TRIM2: variants seen among roughly 807,000 people sequenced by gnomAD.
TRIM2 encodes tripartite motif containing 2.
TRIM2 carries 20 observed loss-of-function variants against 75.2 expected under a neutral mutation model. The ratio of observed to expected loss-of-function variants is 0.27; its 90% CI spans 0.19 to 0.39. TRIM2 has a LOEUF of 0.39. Ranked by LOEUF, TRIM2 falls within the 10% of genes least tolerant of loss-of-function variation. The pLI is 1.00. For synonymous variants in TRIM2, 373 were observed against 388.3 expected (o/e 0.96, Z 0.46); for missense variants, 660 against 990.8 (o/e 0.67, Z 4.48).
intron 1 of TRIM2, among the ~76,000 whole-genome samples, chr4:153,247,850 T>G (rs1303422169): frequency 1.3e-5 from 2 of 152,040 alleles, no homozygotes; most frequent in Admixed American, 6.6e-5. Context: ...GCTTACTGAA[T>G]CCTTAAATGA....
intron 1 of TRIM2, among the ~76,000 whole-genome samples, chr4:153,193,395 T>A: frequency 6.6e-6 from 1 of 152,138 alleles, no homozygotes; most frequent in East Asian, 1.9e-4. Context: ...CCTCCCAAAG[T>A]GCTGGGATTA....
intron 1 of TRIM2, among the ~76,000 whole-genome samples, chr4:153,230,480 GC>G (rs1237462662): frequency 2.6e-5 from 4 of 152,186 alleles, no homozygotes; most frequent in Non-Finnish European, 5.9e-5. Flanking sequence ...ACTGCACCCA[GC>G]CCATGTTCAG....
rs147042335 is a variant in TRIM2 at position 153,295,937 on chromosome 4, G to A, written c.1411G>A (p.Gly471Ser). The A allele has an allele frequency of 2.7e-5, 43 of 1,594,320 alleles. No homozygotes were observed. The highest frequency in any genetic ancestry group is 3.3e-4 in the Middle Eastern group (2 of 5,984). Reference sequence around the variant, plus strand: ...GAGGCGCGTTAAGTCCCCGGGGAGCGGCCACGTCAAGCAGAAAGCTGTGAA... The same window carrying A: ...GAGGCGCGTTAAGTCCCCGGGGAGCAGCCACGTCAAGCAGAAAGCTGTGAA... ...VKRRVKSPGS[G>S]HVKQKAVKRP... The change falls in exon 6 of 12, where the codon GGC becomes AGC. Residue 471 changes from glycine to serine, a missense_variant. This residue lies in a region of TRIM2 where 620 missense variants were observed against 891.0 expected (regional missense o/e 0.70). Coordinates refer to ENST00000338700, the MANE Select transcript of TRIM2 (RefSeq NM_015271.5). This position sits in a 1 kb window ranked among gnomAD's most constrained non-coding sequence, Gnocchi z 7.2.
At chr4:153,201,593 A>C (rs1322119987), upstream of TRIM2, among the ~76,000 whole-genome samples, 1 of 152,122 alleles carries the variant, frequency 6.6e-6, no homozygotes, top group Non-Finnish European at 1.5e-5. Context: ...AGGCCCAAGC[A>C]GGAAGATAGC....
At chr4:153,278,518 G>A (rs780397728) in intron 3 of TRIM2, among the ~76,000 whole-genome samples, 3 of 152,158 alleles carry the variant, frequency 2.0e-5, no homozygotes, top group Admixed American at 1.3e-4. Flanking sequence ...GTTTCTAAGG[G>A]CCAGACATGG....
At chr4:153,291,048 A>G (rs904695965) in intron 3 of TRIM2, among the ~76,000 whole-genome samples, 5 of 151,760 alleles carry the variant, frequency 3.3e-5, no homozygotes, top group African/African-American at 1.2e-4. Context: ...ATGACAAAAA[A>G]AAAAGTGTCT....
At chr4:153,199,263 A>G (rs1396203288) in intron 1 of TRIM2, among the ~76,000 whole-genome samples, 2 of 152,154 alleles carry the variant, frequency 1.3e-5, no homozygotes, top group African/African-American at 4.8e-5. Context: ...TCCTGTTTCA[A>G]CCTTCCAAGG....
intron 1 of TRIM2, among the ~76,000 whole-genome samples, chr4:153,190,540 A>G (rs1191496444): frequency 6.6e-6 from 1 of 152,194 alleles, no homozygotes; most frequent in African/African-American, 2.4e-5. Context: ...ATCTCAAAGC[A>G]TATAAGTTAT....
At chr4:153,189,563 A>C (rs1467146768) in intron 1 of TRIM2, among the ~76,000 whole-genome samples, 1 of 151,996 alleles carries the variant, frequency 6.6e-6, no homozygotes, top group Admixed American at 6.6e-5. Flanking sequence ...TCTCCTGCCT[A>C]ATATCCCCTG....
upstream of TRIM2, among the ~76,000 whole-genome samples, chr4:153,202,242 G>A (rs1734440381): frequency 6.6e-6 from 1 of 152,168 alleles, no homozygotes. Context: ...GACAACTACT[G>A]TGTTCATTTT....
intron 1 of TRIM2, among the ~76,000 whole-genome samples, chr4:153,166,464 G>C (rs1371207531): frequency 1.3e-5 from 2 of 151,958 alleles, no homozygotes; most frequent in Non-Finnish European, 2.9e-5. Context: ...GGCAGTGCTG[G>C]AAGGATTTTC....
At chr4:153,176,657 C>T (rs1731465091) in intron 1 of TRIM2, among the ~76,000 whole-genome samples, 1 of 152,118 alleles carries the variant, frequency 6.6e-6, no homozygotes, top group Non-Finnish European at 1.5e-5. Context: ...GTTGCCCAGG[C>T]TGGAGTGCAG....
At chr4:153,274,484 GT>G (rs1436897229) in intron 2 of TRIM2, among the ~76,000 whole-genome samples, 1 of 152,206 alleles carries the variant, frequency 6.6e-6, no homozygotes, top group Non-Finnish European at 1.5e-5. Context: ...TTCATGTTGA[GT>G]TTTAGGACCT....
chr4:153,244,577 A>G (rs990898430), intron 1 of TRIM2, among the ~76,000 whole-genome samples: 1 of 149,928 alleles, frequency 6.7e-6, no homozygotes, highest in Non-Finnish European at 1.5e-5. Flanking sequence ...AGTTTTTTGA[A>G]GATGTACAAA....
intron 3 of TRIM2, among the ~76,000 whole-genome samples, chr4:153,289,033 GAA>G: frequency 6.6e-6 from 1 of 152,162 alleles, no homozygotes; most frequent in South Asian, 2.1e-4. Context: ...GAGCATATAT[GAA>G]AGAGTTAAAG....
At chr4:153,219,103 C>T (rs1739276619) in intron 1 of TRIM2, among the ~76,000 whole-genome samples, 1 of 152,122 alleles carries the variant, frequency 6.6e-6, no homozygotes, top group Admixed American at 6.5e-5. Flanking sequence ...TCTCTGTGTG[C>T]CCAGGGTAGT....
chr4:153,254,834 A>G (rs775615700), intron 1 of TRIM2, among the ~76,000 whole-genome samples: 2 of 152,246 alleles, frequency 1.3e-5, no homozygotes, highest in Non-Finnish European at 2.9e-5. Context: ...AAACCCAGCT[A>G]TCCTATGTAA....
chr4:153,245,199 A>G (rs1408816385), intron 1 of TRIM2, among the ~76,000 whole-genome samples: 3 of 152,230 alleles, frequency 2.0e-5, no homozygotes, highest in Non-Finnish European at 4.4e-5. Context: ...TCCATTTCTT[A>G]TCTTCTGCAC....
At position 153,227,659 on chromosome 4, in the gene TRIM2, A is replaced by G. The variant is rs116181321; in HGVS notation, c.30+23099A>G. Among the ~76,000 whole-genome samples, 1,048 of 152,246 alleles carry G rather than the reference A, an allele frequency of 6.9e-3. 13 individuals are homozygous for G. Among genetic ancestry groups the G allele is most frequent in the African/African-American group, 0.024 (980 of 41,544 alleles). On this transcript the variant is annotated intron_variant, in intron 1 of 11. Transcript: ENST00000338700. ...CTCGTTAGCTTGCCCGTATGTCCTC[A>G]GCTATTGGACACAATGGAGGGTGCA...
Sources: allele counts gnomAD v4.1 joint callset (sites outside exome capture counted in the v4.1 genomes callset), GRCh38; gene constraint gnomAD v4.1.1; regional missense constraint gnomAD v4.1.1; non-coding constraint Gnocchi (gnomAD v3.1); transcripts MANE v1.5; gene names NCBI Gene and HGNC (gene_info 2026-07-23, HGNC 2026-07-21).